The following DPP6 variants were observed in gnomAD, a reference collection of about 807,000 sequenced individuals.
DPP6 encodes the protein dipeptidyl peptidase like 6.
Under a neutral mutation model 122.6 loss-of-function variants are expected in DPP6, and 69 were observed. That is an observed-to-expected ratio of 0.56 (90% CI 0.46 to 0.69). DPP6 has a LOEUF of 0.69. DPP6 is among the 30% of genes least tolerant of loss of function. The pLI, the probability that DPP6 is intolerant of heterozygous loss-of-function variation, is 0.00. For missense variants in DPP6, 928 were observed against 1,116.9 expected (o/e 0.83, Z 2.41); for synonymous variants, 418 against 433.1 (o/e 0.97, Z 0.43).
intron 1 of DPP6, among the ~76,000 whole-genome samples, chr7:153,971,126 G>T (rs553251585): frequency 4.7e-4 from 60 of 128,358 alleles, no homozygotes; most frequent in African/African-American, 1.7e-3. Flanking sequence ...CTTTATTTAG[G>T]TATTTTAAAT....
chr7:153,936,990 T>C (rs1409772619), intron 1 of DPP6, among the ~76,000 whole-genome samples: 1 of 152,140 alleles, frequency 6.6e-6, no homozygotes, highest in African/African-American at 2.4e-5. Context: ...AGGTCAGGAC[T>C]CAGAAATCTT....
chr7:154,246,816 ATAAT>A (rs1232293002), intron 1 of DPP6, among the ~76,000 whole-genome samples: 3 of 152,222 alleles, frequency 2.0e-5, no homozygotes, highest in African/African-American at 7.2e-5. Flanking sequence ...CTACCTCACA[ATAAT>A]TAATTTTAGA....
chr7:154,565,786 A>G (rs1830708490), intron 4 of DPP6, among the ~76,000 whole-genome samples: 1 of 152,130 alleles, frequency 6.6e-6, no homozygotes, highest in African/African-American at 2.4e-5. Flanking sequence ...CGGCCTCCCA[A>G]AGTGCTGGGA....
the DPP6 span, among the ~76,000 whole-genome samples, chr7:153,834,995 T>C: frequency 1.3e-5 from 2 of 152,162 alleles, no homozygotes; most frequent in Admixed American, 1.3e-4. Flanking sequence ...GTAAGCAAAA[T>C]TGACAAGGAA....
At position 154,807,405 on chromosome 7, in the gene DPP6, A is replaced by G. The variant is rs1486032574; in HGVS notation, c.1666+293A>G. Among the ~76,000 whole-genome samples the G allele has an allele frequency of 2.0e-5, 3 of 152,356 alleles. No homozygotes were observed. The East Asian group carries it at 5.8e-4, about 29-fold the overall frequency. On this transcript the variant is annotated intron_variant, in intron 16 of 25. Transcript: ENST00000377770. ...CAGTTTGTCTCCCATTGTCCACAAA[A>G]AATAATAGTCCCATGAGCTAGGAAG...
chr7:154,507,083 A>T (rs1182856718), intron 3 of DPP6, among the ~76,000 whole-genome samples: 1 of 152,098 alleles, frequency 6.6e-6, no homozygotes, highest in Non-Finnish European at 1.5e-5. Context: ...CTCCTGAGGC[A>T]TTTTTTCTTT....
intron 5 of DPP6, among the ~76,000 whole-genome samples, chr7:154,603,995 T>C (rs972928797): frequency 2.5e-5 from 3 of 121,066 alleles, no homozygotes; most frequent in Non-Finnish European, 5.6e-5. Context: ...ACTGTACACA[T>C]GATTTGTGTA....
At chr7:154,584,831 G>T (rs1430731980) in intron 5 of DPP6, among the ~76,000 whole-genome samples, 1 of 152,206 alleles carries the variant, frequency 6.6e-6, no homozygotes, top group African/African-American at 2.4e-5. Flanking sequence ...TCTAGTGGAC[G>T]ATCCTGTGCT....
the DPP6 span, among the ~76,000 whole-genome samples, chr7:153,872,666 CTATCATTAT>C: frequency 6.6e-6 from 1 of 152,088 alleles, no homozygotes; most frequent in African/African-American, 2.4e-5. Context: ...CGACAAGGTG[CTATCATTAT>C]TATCATTATC....
At chr7:153,752,068 G>A in the DPP6 span, among the ~76,000 whole-genome samples, 1 of 152,266 alleles carries the variant, frequency 6.6e-6, no homozygotes, top group Admixed American at 6.5e-5. Context: ...GGACCTTCAT[G>A]GTAGGAGTTT....
intron 7 of DPP6, among the ~76,000 whole-genome samples, chr7:154,696,568 G>C (rs1840229881): frequency 1.3e-5 from 2 of 152,198 alleles, no homozygotes; most frequent in African/African-American, 4.8e-5. Flanking sequence ...GTGTTGGAGG[G>C]AGTGGCCTAG....
At chr7:153,798,341 GGTTC>G in the DPP6 span, among the ~76,000 whole-genome samples, 3 of 152,162 alleles carry the variant, frequency 2.0e-5, no homozygotes, top group Non-Finnish European at 4.4e-5. Context: ...AAGAGATATT[GGTTC>G]TTTGGTTTTC....
At chr7:154,446,423 A>C in intron 2 of DPP6, 95 bp downstream of exon 2, 1 of 736,790 alleles carries the variant, frequency 1.4e-6, no homozygotes, top group Non-Finnish European at 2.1e-6. Context: ...CCTATTACAT[A>C]ATTTATTTTT....
chr7:154,634,014 T>A (rs1243292265), intron 5 of DPP6, among the ~76,000 whole-genome samples: 1 of 151,684 alleles, frequency 6.6e-6, no homozygotes, highest in Non-Finnish European at 1.5e-5. Context: ...TTTTTTTCTT[T>A]TTTTTTTTTA....
At chr7:153,804,283 C>CT in the DPP6 span, among the ~76,000 whole-genome samples, 1 of 152,102 alleles carries the variant, frequency 6.6e-6, no homozygotes, top group East Asian at 2.0e-4. Context: ...AACTCCTGAC[C>CT]TCGGGTGATC....
intron 17 of DPP6, among the ~76,000 whole-genome samples, chr7:154,856,899 C>T (rs1205618339): frequency 1.3e-5 from 2 of 152,222 alleles, no homozygotes; most frequent in African/African-American, 4.8e-5. Context: ...CTCCCTTCTT[C>T]TCTGTGTGAA....
the DPP6 span, among the ~76,000 whole-genome samples, chr7:153,793,956 T>A: frequency 6.6e-6 from 1 of 152,234 alleles, no homozygotes. Flanking sequence ...AGTCAAGAAC[T>A]TGGGTTTGGG....
chr7:154,332,943 G>C (rs1809081753), intron 1 of DPP6, among the ~76,000 whole-genome samples: 1 of 152,134 alleles, frequency 6.6e-6, no homozygotes. Flanking sequence ...TCTGGGTCTT[G>C]GGCACTGGAG....
chr7:154,167,483 T>C (rs1197185191), intron 1 of DPP6, among the ~76,000 whole-genome samples: 1 of 152,276 alleles, frequency 6.6e-6, no homozygotes, highest in Non-Finnish European at 1.5e-5. Context: ...GCAGTTTGCC[T>C]GAGGCAAATG....
Sources: gnomAD v4.1 joint callset for allele counts (sites outside exome capture counted in the v4.1 genomes callset) on GRCh38, gnomAD v4.1.1 for gene constraint, MANE v1.5 for transcripts, NCBI Gene and HGNC (gene_info 2026-07-23, HGNC 2026-07-21) for gene names.